PRORP: variants seen among roughly 807,000 people sequenced by gnomAD.
The protein encoded by PRORP is mitochondrial ribonuclease P catalytic subunit.
In PRORP, 51 loss-of-function variants were observed where a neutral mutation model predicts 59.4. The observed-to-expected ratio is 0.86, with a 90% CI of 0.69 to 1.08. The LOEUF (loss-of-function observed/expected upper bound fraction) is 1.08, where lower values mean the gene tolerates loss of function less well. PRORP is among the 50% of genes least tolerant of loss of function. The pLI is 0.00. For missense variants in PRORP, 646 were observed against 690.3 expected (o/e 0.94, Z 0.72); for synonymous variants, 231 against 245.6 (o/e 0.94, Z 0.55).
chr14:35,210,950 T>C (rs12888225), intron 5 of PRORP, among the ~76,000 whole-genome samples: 2,796 of 151,842 alleles, frequency 0.018, 52 homozygotes, highest in Non-Finnish European at 0.025. Flanking sequence ...AATTATTTTT[T>C]TGTAGAGACA....
chr14:35,255,084 A>C (rs2050716203), intron 5 of PRORP, among the ~76,000 whole-genome samples: 1 of 152,078 alleles, frequency 6.6e-6, no homozygotes, highest in Non-Finnish European at 1.5e-5. Flanking sequence ...ATATTATATT[A>C]ATTTGACTGC....
intron 5 of PRORP, among the ~76,000 whole-genome samples, chr14:35,226,896 G>A (rs188855541): frequency 2.8e-4 from 43 of 151,630 alleles, no homozygotes; most frequent in Non-Finnish European, 5.5e-4. Context: ...TAACACACCT[G>A]GCTAATTTTT....
chr14:35,272,655 G>A (rs1373904688), intron 7 of PRORP, among the ~76,000 whole-genome samples: 1 of 152,172 alleles, frequency 6.6e-6, no homozygotes, highest in Non-Finnish European at 1.5e-5. Flanking sequence ...TTACATATCT[G>A]AGATGGGAGG....
At chr14:35,262,460 C>T (rs139968821) in intron 5 of PRORP, 125 of 459,586 alleles carry the variant, frequency 2.7e-4, no homozygotes, top group African/African-American at 2.1e-3. Flanking sequence ...ACTGAGAGAA[C>T]GAAGACCATT....
chr14:35,221,455 C>T (rs1039823392), intron 5 of PRORP, among the ~76,000 whole-genome samples: 4 of 152,032 alleles, frequency 2.6e-5, no homozygotes, highest in African/African-American at 9.7e-5. Flanking sequence ...TGTATTTCAA[C>T]ATGGATTTTT....
intron 4 of PRORP, among the ~76,000 whole-genome samples, chr14:35,159,569 T>C (rs1407519218): frequency 2.0e-5 from 3 of 152,216 alleles, no homozygotes; most frequent in Admixed American, 2.0e-4. Flanking sequence ...TTAGAAACTC[T>C]GAGGGACAGG....
intron 5 of PRORP, among the ~76,000 whole-genome samples, chr14:35,255,393 G>T (rs1311614081): frequency 6.6e-6 from 1 of 152,120 alleles, no homozygotes; most frequent in Non-Finnish European, 1.5e-5. Flanking sequence ...GCCTCCCAAA[G>T]TGCTGGGATT....
rs2138693013 is a variant in PRORP at position 35,275,811 on chromosome 14, A to T, written c.*2245A>T. On this transcript the variant is annotated 3_prime_UTR_variant, in exon 8 of 8. Transcript: ENST00000534898. ...ACCCTGTCTCTTAAAAAAAAAAAAA[A>T]AAGACGGGAGAAGCTACAAGAAGAA... The T allele has an allele frequency of 6.6e-6, 1 of 150,780 alleles. No individual in the cohort carries two copies. The highest frequency in any genetic ancestry group is 2.1e-4 in the South Asian group (1 of 4,750). 9.3% of individuals were successfully genotyped at this position (150,780 alleles called of 1,614,324 possible).
At chr14:35,237,928 A>G (rs1050236090) in intron 5 of PRORP, among the ~76,000 whole-genome samples, 5 of 152,208 alleles carry the variant, frequency 3.3e-5, no homozygotes, top group Admixed American at 3.3e-4. Context: ...TGCTGGGATT[A>G]CAGGCATGAG....
chr14:35,215,635 C>T (rs2049568301), intron 5 of PRORP, among the ~76,000 whole-genome samples: 1 of 151,972 alleles, frequency 6.6e-6, no homozygotes, highest in African/African-American at 2.4e-5. Flanking sequence ...TGCCTATAGT[C>T]CTAGCTGTTT....
At chr14:35,184,067 T>C (rs1048026861) in intron 5 of PRORP, among the ~76,000 whole-genome samples, 2 of 152,164 alleles carry the variant, frequency 1.3e-5, no homozygotes, top group African/African-American at 2.4e-5. Flanking sequence ...ATGCTCTTCC[T>C]ATAAACTCTC....
chr14:35,185,507 G>A (rs545385710), intron 5 of PRORP, among the ~76,000 whole-genome samples: 8 of 152,290 alleles, frequency 5.3e-5, no homozygotes, highest in African/African-American at 1.4e-4. Context: ...AGCAAGAAGA[G>A]GTTGTTATGA....
At chr14:35,149,833 T>TTTTTG (rs1233623882) in intron 4 of PRORP, among the ~76,000 whole-genome samples, 2 of 152,198 alleles carry the variant, frequency 1.3e-5, no homozygotes, top group African/African-American at 4.8e-5. Flanking sequence ...TATCTTAGCT[T>TTTTTG]TTTTGTTTTG....
In PRORP at chr14:35,270,322, A is replaced by G. The variant is rs555400321; in HGVS notation, c.1425-79A>G. 3 of 1,375,546 alleles carry G rather than the reference A, an allele frequency of 2.2e-6. No individual in the cohort carries two copies. The African/African-American group carries it at 4.3e-5, about 20-fold the overall frequency. 85.2% of individuals were successfully genotyped at this position (1,375,546 alleles called of 1,614,324 possible). ...ATCAGAGGCACCTCCAAGGAAAGTAAGTAAAAAGTACGGTGAAAAACACTG... is the reference window on the plus strand; with the variant it reads ...ATCAGAGGCACCTCCAAGGAAAGTAGGTAAAAAGTACGGTGAAAAACACTG... On this transcript the variant is annotated intron_variant, in intron 6 of 7. Transcript: ENST00000534898.
At chr14:35,197,606 T>A (rs2049040702) in intron 5 of PRORP, among the ~76,000 whole-genome samples, 1 of 152,182 alleles carries the variant, frequency 6.6e-6, no homozygotes, top group African/African-American at 2.4e-5. Context: ...AGTTCAGATC[T>A]TAGATTTCTT....
Position 35,123,576 on chromosome 14 carries a change from A to G in PRORP, c.331A>G (p.Thr111Ala). 1 of 1,614,206 alleles carries G rather than the reference A, an allele frequency of 6.2e-7. No individual in the cohort carries two copies. Among genetic ancestry groups the G allele is most frequent in the South Asian group, 1.1e-5 (1 of 91,090 alleles). ...TCATGCCTTGGCACCTGTGAGGAAC[A>G]CTATTCAACTCCCAACACAACCTTT... The part of the protein sequence containing the change: ...EDHALAPVRN[T>A]IQLPTQPLNS... Residue 111 changes from threonine to alanine, a missense_variant, in exon 2 of 8, where the codon ACT becomes GCT. By Grantham distance (58) the Thr-to-Ala change is moderately conservative. Transcript: ENST00000534898.
chr14:35,133,205 T>C (rs912728504), intron 4 of PRORP, among the ~76,000 whole-genome samples: 4 of 152,154 alleles, frequency 2.6e-5, no homozygotes, highest in African/African-American at 7.2e-5. Context: ...GGGCGTGAGC[T>C]ACCATGCCCA....
At chr14:35,139,688 C>T (rs2047441514) in intron 4 of PRORP, among the ~76,000 whole-genome samples, 1 of 145,962 alleles carries the variant, frequency 6.9e-6, no homozygotes. Flanking sequence ...CTGATTAGAA[C>T]AGTCTTGAAC....
intron 4 of PRORP, among the ~76,000 whole-genome samples, chr14:35,148,911 ATTTTTTT>A (rs1186320988): frequency 1.1e-3 from 95 of 82,834 alleles, no homozygotes; most frequent in East Asian, 2.8e-3. Flanking sequence ...GCACTTTTTA[ATTTTTTT>A]TTTTTTTTTT....
Sources: allele counts gnomAD v4.1 joint callset (sites outside exome capture counted in the v4.1 genomes callset), GRCh38; gene constraint gnomAD v4.1.1; transcripts MANE v1.5; gene names NCBI Gene and HGNC (gene_info 2026-07-23, HGNC 2026-07-21).